Variants in GSG1L observed in about 807,000 individuals in gnomAD.
The protein encoded by GSG1L is GSG1 like.
GSG1L carries 24 observed loss-of-function variants against 42.1 expected under a neutral mutation model. The ratio of observed to expected loss-of-function variants is 0.57; its 90% CI spans 0.41 to 0.80. GSG1L has a LOEUF of 0.80. GSG1L is among the 30% of genes least tolerant of loss of function. The pLI is 0.00. For synonymous variants in GSG1L, 215 were observed against 203.5 expected (o/e 1.06, Z -0.48); for missense variants, 445 against 472.2 (o/e 0.94, Z 0.53).
intron 4 of GSG1L, among the ~76,000 whole-genome samples, chr16:27,838,316 C>T (rs1055723299): frequency 2.0e-5 from 3 of 152,200 alleles, no homozygotes; most frequent in Non-Finnish European, 4.4e-5. Flanking sequence ...GGGTGAGAGG[C>T]TATATCCATG....
intron 1 of GSG1L, among the ~76,000 whole-genome samples, chr16:28,039,596 CA>C (rs774820347): frequency 3.3e-4 from 46 of 140,072 alleles, no homozygotes; most frequent in Middle Eastern, 3.4e-3. Context: ...TGCACATACC[CA>C]CACTTGCACA....
At chr16:27,949,587 TC>T (rs1295613826) in intron 2 of GSG1L, among the ~76,000 whole-genome samples, 1 of 151,912 alleles carries the variant, frequency 6.6e-6, no homozygotes, top group East Asian at 1.9e-4. Flanking sequence ...ACCACCGCAC[TC>T]CAGCCTGGAC....
chr16:28,023,271 T>C (rs2085865060), intron 1 of GSG1L, among the ~76,000 whole-genome samples: 2 of 152,252 alleles, frequency 1.3e-5, no homozygotes, highest in African/African-American at 4.8e-5. Context: ...ATAAGTCTAA[T>C]CCATTTGTCT....
intron 3 of GSG1L, among the ~76,000 whole-genome samples, chr16:27,847,911 C>T (rs1217595400): frequency 6.6e-6 from 1 of 152,206 alleles, no homozygotes; most frequent in Non-Finnish European, 1.5e-5. Flanking sequence ...GCCAATTAAA[C>T]CTCCTTTCTT....
At chr16:27,818,693 G>T (rs1050427860) in intron 5 of GSG1L, among the ~76,000 whole-genome samples, 1 of 152,084 alleles carries the variant, frequency 6.6e-6, no homozygotes, top group Admixed American at 6.6e-5. Flanking sequence ...AAGGAATTTT[G>T]GGCAAATAAA....
At chr16:27,798,249 C>T (rs1048565779) in intron 6 of GSG1L, among the ~76,000 whole-genome samples, 1 of 152,084 alleles carries the variant, frequency 6.6e-6, no homozygotes, top group Non-Finnish European at 1.5e-5. Context: ...AGACAAACAC[C>T]AGGAGAGTGA....
rs1330260113 is a variant in GSG1L, at chr16:27,789,336, T to C, written c.*2034A>G. Reference sequence around the variant, plus strand: ...GCAGATGGAGGGATGAATGGATGTGTGGATGACGGATAATGGATGGATGGA... The same window carrying C: ...GCAGATGGAGGGATGAATGGATGTGCGGATGACGGATAATGGATGGATGGA... On this transcript the variant is annotated 3_prime_UTR_variant, in exon 7 of 7. Transcript: ENST00000447459. The C allele has an allele frequency of 1.3e-5, 2 of 150,208 alleles. No individual in the cohort carries two copies. Among genetic ancestry groups the C allele is most frequent in the Non-Finnish European group, 3.0e-5 (2 of 67,298 alleles). The allele number at this position is 150,208 out of a possible 1,614,324, so 9.3% of individuals were successfully genotyped here.
rs193103107 is a variant in GSG1L, at chr16:27,986,446, C to T, written c.350-23243G>A. Reference sequence around the variant, plus strand: ...ACTTAAACTCGGGAGGTGGAGGCTGCAGTGAGCTGAGATCACACCATTGCA... The same window carrying T: ...ACTTAAACTCGGGAGGTGGAGGCTGTAGTGAGCTGAGATCACACCATTGCA... On this transcript the variant is annotated intron_variant, in intron 1 of 6. Transcript: ENST00000447459. Among the ~76,000 whole-genome samples, 71 of 149,790 alleles carry T rather than the reference C, an allele frequency of 4.7e-4. No individual in the cohort carries two copies. The East Asian group carries it at 0.013, about 27-fold the overall frequency.
At chr16:27,807,763 T>G (rs1158926967) in intron 5 of GSG1L, among the ~76,000 whole-genome samples, 1 of 152,190 alleles carries the variant, frequency 6.6e-6, no homozygotes, top group Non-Finnish European at 1.5e-5. Context: ...AAACTGAGGC[T>G]TTTGGAGGTG....
chr16:27,869,925 ATCTC>A (rs575549218), intron 3 of GSG1L, among the ~76,000 whole-genome samples: 4 of 28,652 alleles, frequency 1.4e-4, no homozygotes, highest in African/African-American at 4.7e-4. Context: ...GTCTCCCTCC[ATCTC>A]TCTCTGTCTC....
At chr16:28,044,623 CTT>C (rs71140942) in intron 1 of GSG1L, among the ~76,000 whole-genome samples, 358 of 130,538 alleles carry the variant, frequency 2.7e-3, no homozygotes, top group East Asian at 0.019. Flanking sequence ...GCAACGAATG[CTT>C]TTTTTTTTTT....
chr16:28,019,481 T>A (rs2085815406), intron 1 of GSG1L, among the ~76,000 whole-genome samples: 1 of 152,238 alleles, frequency 6.6e-6, no homozygotes, highest in Admixed American at 6.5e-5. Context: ...AACTCTTGAA[T>A]AAGTTTTCAC....
chr16:27,944,281 A>G (rs2084838137), intron 2 of GSG1L, among the ~76,000 whole-genome samples: 2 of 152,212 alleles, frequency 1.3e-5, no homozygotes, highest in African/African-American at 4.8e-5. Context: ...TGAATAGATC[A>G]AGAAAATGTA....
chr16:27,954,953 C>G (rs775282856), intron 2 of GSG1L, among the ~76,000 whole-genome samples: 1 of 152,222 alleles, frequency 6.6e-6, no homozygotes, highest in African/African-American at 2.4e-5. Context: ...AGCCATCATG[C>G]CTGGCCCAAA....
chr16:27,824,829 T>C (rs1052533021), intron 5 of GSG1L, among the ~76,000 whole-genome samples: 2 of 152,200 alleles, frequency 1.3e-5, no homozygotes, highest in African/African-American at 2.4e-5. Flanking sequence ...TACCCACAGA[T>C]GCCCAAGGAG....
At chr16:27,953,540 G>C (rs2084973064) in intron 2 of GSG1L, among the ~76,000 whole-genome samples, 1 of 152,136 alleles carries the variant, frequency 6.6e-6, no homozygotes, top group Non-Finnish European at 1.5e-5. Flanking sequence ...AAGCAGAAAG[G>C]GGCTGTGGCA....
Position 28,052,763 on chromosome 16 carries a change from G to T in GSG1L, c.349+10313C>A, listed in dbSNP as rs1351346060. ...TAGCTGCAACAGCATAGCCCAGGCT[G>T]CCCTGGCTGAGGAGGGCAGAAAACA... is the stretch of plus-strand genomic sequence containing the variant. On this transcript the variant is annotated intron_variant, in intron 1 of 6. Coordinates refer to ENST00000447459, the MANE Select transcript of GSG1L (RefSeq NM_001109763.2). Among the ~76,000 whole-genome samples the T allele has an allele frequency of 2.6e-5, 4 of 152,242 alleles. No homozygotes were observed. In the East Asian group the frequency reaches 5.8e-4, roughly 22 times the overall value.
rs1410157115 is a variant in GSG1L, at chr16:27,790,217, A to AATGGATGG, written c.*1145_*1152dup. ...GTGGATAATAGATGGACGAATGATGAATGGATGGATGGATAATGGATAATG... is the reference window on the plus strand; with the variant it reads ...GTGGATAATAGATGGACGAATGATGAATGGATGGATGGATGGATGGATAATGGATAATG... On this transcript the variant is annotated 3_prime_UTR_variant, in exon 7 of 7. Transcript: ENST00000447459. 1 of 151,324 alleles carries AATGGATGG rather than the reference A, an allele frequency of 6.6e-6. No individual in the cohort carries two copies. The highest frequency in any genetic ancestry group is 1.5e-5 in the Non-Finnish European group (1 of 67,742). The allele number at this position is 151,324 out of a possible 1,614,324, so 9.4% of individuals were successfully genotyped here. A position where few individuals can be genotyped will look rare whatever the true frequency, so the allele number is the denominator to read the frequency against.
chr16:27,830,854 A>G (rs2083267851), intron 4 of GSG1L, among the ~76,000 whole-genome samples: 1 of 152,220 alleles, frequency 6.6e-6, no homozygotes, highest in Non-Finnish European at 1.5e-5. Flanking sequence ...CTTTTTCTGG[A>G]TTCCATGAGT....
Sources: gnomAD v4.1 joint callset for allele counts (sites outside exome capture counted in the v4.1 genomes callset) on GRCh38, gnomAD v4.1.1 for gene constraint, MANE v1.5 for transcripts, NCBI Gene and HGNC (gene_info 2026-07-23, HGNC 2026-07-21) for gene names.